FYCO1: variants seen among roughly 807,000 people sequenced by gnomAD.
FYCO1 encodes FYVE and coiled-coil domain autophagy adaptor 1, also known as FYVE and coiled-coil domain-containing protein 1.
Under a neutral mutation model 165.1 loss-of-function variants are expected in FYCO1, and 122 were observed. The observed-to-expected ratio is 0.74, with a 90% confidence interval of 0.64 to 0.86. The LOEUF is 0.86. Among genes scored for constraint, FYCO1 ranks in the 40% least tolerant of loss-of-function variants. The pLI is 0.00. For missense variants in FYCO1, 1,702 were observed against 1,810.3 expected (o/e 0.94, Z 1.09); for synonymous variants, 648 against 742.5 (o/e 0.87, Z 2.07).
At chr3:45,977,014 G>A (rs190269392) in intron 4 of FYCO1, among the ~76,000 whole-genome samples, 431 of 152,212 alleles carry the variant, frequency 2.8e-3, no homozygotes, top group Non-Finnish European at 4.9e-3. Flanking sequence ...GCAGATGCGC[G>A]GGGGAGAATC....
chr3:45,918,668 G>A lies in FYCO1; in HGVS notation c.*3097C>T, dbSNP rs1340534537. ...CTCTGTGATTTCATCCCCAACTGGCGATTTCCTTTCATTTGGGCCTGAAAT... is the reference window on the plus strand; with the variant it reads ...CTCTGTGATTTCATCCCCAACTGGCAATTTCCTTTCATTTGGGCCTGAAAT... On this transcript the variant is annotated 3_prime_UTR_variant, in exon 18 of 18. Coordinates refer to ENST00000296137, the MANE Select transcript of FYCO1 (RefSeq NM_024513.4). 6.6e-6 allele frequency: 1 copy of A among 152,098 alleles called. No homozygotes were observed. The allele number at this position is 152,098 out of a possible 1,614,324, so 9.4% of individuals were successfully genotyped here. A position where few individuals can be genotyped will look rare whatever the true frequency, so the allele number is the denominator to read the frequency against.
chr3:45,931,403 G>A, intron 15 of FYCO1, 122 bp from the exon 16 acceptor site: 1 of 877,686 alleles, frequency 1.1e-6, no homozygotes, highest in East Asian at 2.6e-5. Flanking sequence ...GACAAGCCCT[G>A]GGTAACCTTG....
chr3:45,947,667 C>T (rs1704717880), intron 14 of FYCO1: 1 of 644,862 alleles, frequency 1.6e-6, no homozygotes, highest in Admixed American at 2.9e-5. Flanking sequence ...CAGGCATGAA[C>T]ATGTACTGTT....
At chr3:45,949,180 C>T (rs1704835386) in intron 14 of FYCO1, among the ~76,000 whole-genome samples, 1 of 152,178 alleles carries the variant, frequency 6.6e-6, no homozygotes, top group Non-Finnish European at 1.5e-5. Context: ...CATAAACATG[C>T]CTAAATGCGT....
At chr3:45,956,219 C>T (rs1705308839) in intron 13 of FYCO1, among the ~76,000 whole-genome samples, 1 of 151,826 alleles carries the variant, frequency 6.6e-6, no homozygotes, top group African/African-American at 2.4e-5. Flanking sequence ...ACCTGTAATC[C>T]CAGCTACTCA....
Position 45,964,927 on chromosome 3 carries a change from G to C in FYCO1, c.3150+106C>G. On this transcript the variant is annotated intron_variant, in intron 9 of 17. Transcript: ENST00000296137. This position sits in a 1 kb window ranked among gnomAD's most constrained non-coding sequence, Gnocchi z 4.1. ...TGTCTACAAAGGTGAACTGAGGACGGCTTCAGCTTGGGAATCTGGAGGCAT... is the reference window on the plus strand; with the variant it reads ...TGTCTACAAAGGTGAACTGAGGACGCCTTCAGCTTGGGAATCTGGAGGCAT... 1.1e-6 allele frequency: 1 copy of C among 888,680 alleles called. No homozygotes were observed. Among genetic ancestry groups the C allele is most frequent in the Non-Finnish European group, 1.8e-6 (1 of 541,088 alleles). 55.0% of individuals were successfully genotyped at this position (888,680 alleles called of 1,614,324 possible).
intron 16 of FYCO1, among the ~76,000 whole-genome samples, chr3:45,926,053 C>G (rs1703305381): frequency 6.6e-6 from 1 of 152,134 alleles, no homozygotes; most frequent in Admixed American, 6.5e-5. Context: ...CCCTGAGAGA[C>G]AGGAATAGGG....
At chr3:45,956,539 T>TTCTA (rs1217809603) in intron 13 of FYCO1, among the ~76,000 whole-genome samples, 1 of 151,778 alleles carries the variant, frequency 6.6e-6, no homozygotes, top group Admixed American at 6.6e-5. Flanking sequence ...ACATGACCAC[T>TTCTA]AAGGCAGGCC....
chr3:45,924,066 G>A (rs1703210593), intron 16 of FYCO1, among the ~76,000 whole-genome samples: 1 of 152,180 alleles, frequency 6.6e-6, no homozygotes, highest in African/African-American at 2.4e-5. Context: ...TAAAGGAGAA[G>A]CCCTTTTCTG....
rs751988341 is a variant in FYCO1, at chr3:45,966,945, C to T, written c.2389G>A (p.Ala797Thr). 1.7e-5 allele frequency: 27 copies of T among 1,613,582 alleles called. No homozygotes were observed. The East Asian group carries it at 2.9e-4, about 17-fold the overall frequency. Residue 797 changes from alanine (A) to threonine (T), a missense_variant, in exon 8 of 18, where the codon GCC becomes ACC. Ala to Thr is a moderately conservative substitution (Grantham distance 58). Coordinates refer to ENST00000296137, the MANE Select transcript of FYCO1 (RefSeq NM_024513.4). Reference sequence around the variant, plus strand: ...TCATCCAGGGCTGCCCGCATCTTGGCCTGGAGGTCCACCACCTGAGCCTGC... The same window carrying T: ...TCATCCAGGGCTGCCCGCATCTTGGTCTGGAGGTCCACCACCTGAGCCTGC... ...RLQAQVVDLQAKMRAALDDQD... is the reference protein window; with the variant it reads ...RLQAQVVDLQTKMRAALDDQD...
chr3:45,926,555 G>T (rs1440287312), intron 16 of FYCO1, among the ~76,000 whole-genome samples: 2 of 152,208 alleles, frequency 1.3e-5, no homozygotes, highest in Non-Finnish European at 2.9e-5. Flanking sequence ...CACAATTATA[G>T]TTGGAGATTT....
At chr3:45,958,333 T>G in intron 13 of FYCO1, 75 bp downstream of exon 13, 1 of 1,349,056 alleles carries the variant, frequency 7.4e-7, no homozygotes, top group South Asian at 1.2e-5. Context: ...TTATTAGCAC[T>G]AACTAGCCAC....
intron 4 of FYCO1, 80 bp from the exon 5 acceptor site, chr3:45,975,425 G>T: frequency 1.8e-6 from 2 of 1,101,422 alleles, no homozygotes; most frequent in Non-Finnish European, 2.8e-6. Flanking sequence ...GATGGCTTGT[G>T]AAACACAGAT....
At chr3:45,947,734 C>T in intron 14 of FYCO1, 1 of 545,474 alleles carries the variant, frequency 1.8e-6, no homozygotes, top group Non-Finnish European at 3.3e-6. Context: ...TTTTTAAGGA[C>T]TTTCCTTCCT....
intron 2 of FYCO1, among the ~76,000 whole-genome samples, chr3:45,983,069 T>C (rs557743047): frequency 6.6e-6 from 1 of 152,364 alleles, no homozygotes; most frequent in African/African-American, 2.4e-5. Flanking sequence ...AATATTAGCT[T>C]TGCAGGAATT....
At position 45,964,600 on chromosome 3, in the gene FYCO1, C is replaced by T; in HGVS notation, c.3151-146G>A. 1.3e-6 allele frequency: 2 copies of T among 1,502,044 alleles called. No homozygotes were observed. Among genetic ancestry groups the T allele is most frequent in the Non-Finnish European group, 1.8e-6 (2 of 1,118,230 alleles). 93.0% of individuals were successfully genotyped at this position (1,502,044 alleles called of 1,614,324 possible). ...CCTATTAAGTTCAAGAGGCCATGAA[C>T]CTCTGCTCTATATTTGTGGGGCCTC... On this transcript the variant is annotated intron_variant, in intron 9 of 17. Coordinates refer to ENST00000296137, the MANE Select transcript of FYCO1 (RefSeq NM_024513.4). This position sits in a 1 kb window ranked among gnomAD's most constrained non-coding sequence, Gnocchi z 4.1.
intron 16 of FYCO1, among the ~76,000 whole-genome samples, 184 bp downstream of exon 16, chr3:45,930,887 C>T (rs146947855): frequency 3.9e-5 from 6 of 152,350 alleles, no homozygotes; most frequent in African/African-American, 1.4e-4. Flanking sequence ...ACTTCTGGGT[C>T]TTTCTCTCCC....
chr3:45,956,154 G>C (rs1484846609), intron 13 of FYCO1, among the ~76,000 whole-genome samples: 1 of 152,082 alleles, frequency 6.6e-6, no homozygotes, highest in Non-Finnish European at 1.5e-5. Flanking sequence ...TGGCCAACTT[G>C]ATGAAACCCT....
rs1300908110 is a variant in FYCO1, at chr3:45,923,645, G to C, written c.4361+11C>G. 6.4e-7 allele frequency: 1 copy of C among 1,572,010 alleles called. No homozygotes were observed. The highest frequency in any genetic ancestry group is 1.1e-5 in the South Asian group (1 of 90,284). ...CTGGAGACGTGGAGCTGGTGCCTGA[G>C]GTGGCCCTACCTTGAGAAGGTATTG... On this transcript the variant is annotated intron_variant, in intron 17 of 17. Coordinates refer to ENST00000296137, the MANE Select transcript of FYCO1 (RefSeq NM_024513.4).
Sources: allele counts gnomAD v4.1 joint callset (sites outside exome capture counted in the v4.1 genomes callset), GRCh38; gene constraint gnomAD v4.1.1; non-coding constraint Gnocchi (gnomAD v3.1); transcripts MANE v1.5; gene names NCBI Gene and HGNC (gene_info 2026-07-23, HGNC 2026-07-21).